The following HERC6 variants were observed in gnomAD, a reference collection of about 807,000 sequenced individuals.
The protein encoded by HERC6 is HECT and RLD domain containing E3 ubiquitin protein ligase family member 6.
Under a neutral mutation model 114.5 loss-of-function variants are expected in HERC6, and 101 were observed. That is an observed-to-expected ratio of 0.88 (90% CI 0.75 to 1.04). The LOEUF (loss-of-function observed/expected upper bound fraction) is 1.04, where lower values mean the gene tolerates loss of function less well. Among genes scored for constraint, HERC6 ranks in the 50% least tolerant of loss-of-function variants. The pLI is 0.00. For missense variants in HERC6, 1,133 were observed against 1,230.9 expected, an observed-to-expected ratio of 0.92 and a Z score of 1.19; for synonymous variants, 408 against 436.2, an observed-to-expected ratio of 0.94 and a Z score of 0.81.
At chr4:88,403,153 T>G (rs559466280) in intron 8 of HERC6, among the ~76,000 whole-genome samples, 2 of 152,194 alleles carry the variant, frequency 1.3e-5, no homozygotes, top group Admixed American at 6.5e-5. Flanking sequence ...TCAAGTATTA[T>G]ATAGAGCAAT....
intron 12 of HERC6, among the ~76,000 whole-genome samples, chr4:88,416,928 T>A (rs1736534021): frequency 6.6e-6 from 1 of 152,206 alleles, no homozygotes; most frequent in Admixed American, 6.6e-5. Flanking sequence ...TCCAAATCCA[T>A]GTTGCAATCC....
intron 12 of HERC6, among the ~76,000 whole-genome samples, chr4:88,415,850 G>A (rs909370824): frequency 6.6e-6 from 1 of 152,198 alleles, no homozygotes; most frequent in African/African-American, 2.4e-5. Context: ...AACCAAATGA[G>A]GAGATGAGAG....
At chr4:88,383,198 G>A (rs377670919) in intron 1 of HERC6, 23 bp from the exon 2 acceptor site, 60 of 1,604,776 alleles carry the variant, frequency 3.7e-5, no homozygotes, top group South Asian at 3.1e-4. Context: ...TGGTTGGGGG[G>A]TGTTTTGTTT....
At chr4:88,394,802 C>T (rs977697480) in intron 5 of HERC6, among the ~76,000 whole-genome samples, 4 of 152,226 alleles carry the variant, frequency 2.6e-5, no homozygotes, top group Admixed American at 1.3e-4. Flanking sequence ...ACCTCAGCCT[C>T]CCAAAGTGTT....
At chr4:88,421,457 T>TG (rs1489684610) in intron 13 of HERC6, among the ~76,000 whole-genome samples, 1 of 151,722 alleles carries the variant, frequency 6.6e-6, no homozygotes, top group East Asian at 1.9e-4. Context: ...TTTTCTTTTT[T>TG]TTTTTTTTGA....
chr4:88,413,302 T>A, intron 12 of HERC6, 36 bp downstream of exon 12: 1 of 1,495,272 alleles, frequency 6.7e-7, no homozygotes. Flanking sequence ...ACTCTCAATA[T>A]AGAGTCACTC....
intron 1 of HERC6, among the ~76,000 whole-genome samples, chr4:88,381,314 G>A (rs1734305060): frequency 6.6e-6 from 1 of 152,032 alleles, no homozygotes; most frequent in Non-Finnish European, 1.5e-5. Flanking sequence ...TTACATATAG[G>A]GGAATTTACA....
At chr4:88,441,589 A>G (rs556478368) in intron 22 of HERC6, among the ~76,000 whole-genome samples, 2 of 152,296 alleles carry the variant, frequency 1.3e-5, no homozygotes, top group African/African-American at 4.8e-5. Context: ...GGCAGACTTA[A>G]TGACTTCTCT....
At chr4:88,426,473 T>A (rs547632289) in intron 15 of HERC6, among the ~76,000 whole-genome samples, 2 of 134,270 alleles carry the variant, frequency 1.5e-5, no homozygotes, top group South Asian at 4.9e-4. Context: ...CGGCTTATTA[T>A]TATTATTATC....
intron 3 of HERC6, among the ~76,000 whole-genome samples, chr4:88,388,748 G>A (rs182379224): frequency 3.3e-5 from 5 of 152,196 alleles, no homozygotes; most frequent in Admixed American, 6.5e-5. Flanking sequence ...AATAGATGGT[G>A]AATGTTTCTT....
At chr4:88,422,044 G>T (rs551532610) in intron 13 of HERC6, among the ~76,000 whole-genome samples, 1 of 152,260 alleles carries the variant, frequency 6.6e-6, no homozygotes, top group African/African-American at 2.4e-5. Context: ...ATTTTCCCAT[G>T]TGTTGTTTTT....
chr4:88,428,558 A>G, intron 15 of HERC6, 22 bp from the exon 16 acceptor site: 1 of 1,555,834 alleles, frequency 6.4e-7, no homozygotes, highest in Non-Finnish European at 8.6e-7. Flanking sequence ...GGAGAAGCCA[A>G]CTAAAAAATT....
chr4:88,386,557 A>C (rs904533188), intron 3 of HERC6, among the ~76,000 whole-genome samples: 5 of 152,134 alleles, frequency 3.3e-5, no homozygotes, highest in Non-Finnish European at 4.4e-5. Context: ...AAATAAGTGA[A>C]ACTAAAAGTA....
intron 1 of HERC6, among the ~76,000 whole-genome samples, chr4:88,380,454 T>C (rs1357446392): frequency 2.3e-5 from 3 of 129,766 alleles, no homozygotes; most frequent in East Asian, 2.1e-4. Context: ...CGCGGTGGCT[T>C]ACGCCTGTGA....
chr4:88,423,137 ATCTTGCTCC>A (rs1737242899), intron 13 of HERC6, among the ~76,000 whole-genome samples: 1 of 146,846 alleles, frequency 6.8e-6, no homozygotes, highest in Non-Finnish European at 1.5e-5. Flanking sequence ...TCATTTGTTG[ATCTTGCTCC>A]TGTATATTTG....
chr4:88,442,261 A>AT lies in HERC6; in HGVS notation c.2871dup (p.Ala958CysfsTer15). On this transcript the variant is annotated frameshift_variant, in exon 23 of 23. Coordinates refer to ENST00000264346, the MANE Select transcript of HERC6 (RefSeq NM_017912.4). LOFTEE classifies it low-confidence loss of function (END_TRUNC). ...TTCCTTACAGGACGTGATAGGCTGC[A>AT]TGCAAGAGGCATACAGAAAATGGAA... is the stretch of plus-strand genomic sequence containing the variant. The AT allele has an allele frequency of 6.2e-7, 1 of 1,612,716 alleles. No homozygotes were observed. The highest frequency in any genetic ancestry group is 8.5e-7 in the Non-Finnish European group (1 of 1,179,302).
At position 88,401,934 on chromosome 4, in the gene HERC6, T is replaced by G. The variant is rs185870601; in HGVS notation, c.1093-2942T>G. Among the ~76,000 whole-genome samples the G allele has an allele frequency of 3.1e-3, 476 of 152,348 alleles. 4 individuals are homozygous for G. The highest frequency in any genetic ancestry group is 6.8e-3 in the Middle Eastern group (2 of 294). On this transcript the variant is annotated intron_variant, in intron 8 of 22. Coordinates refer to ENST00000264346, the MANE Select transcript of HERC6 (RefSeq NM_017912.4). The stretch of plus-strand genomic sequence containing the variant: ...ATGTTAGGCTGCTTCAGTTGGATTT[T>G]GGAGTAATTCAGAGTCAAGTTTAAT...
intron 11 of HERC6, among the ~76,000 whole-genome samples, chr4:88,410,087 A>C (rs909866095): frequency 6.6e-6 from 1 of 152,174 alleles, no homozygotes; most frequent in African/African-American, 2.4e-5. Flanking sequence ...GTCTCAGTTA[A>C]TTTAGAAAGT....
At chr4:88,396,213 C>T in intron 6 of HERC6, 71 bp downstream of exon 6, 1 of 1,273,690 alleles carries the variant, frequency 7.9e-7, no homozygotes, top group South Asian at 2.2e-5. Context: ...TTAGAAATGA[C>T]TCATATGGAA....
Sources: gnomAD v4.1 joint callset for allele counts (sites outside exome capture counted in the v4.1 genomes callset) on GRCh38, gnomAD v4.1.1 for gene constraint, MANE v1.5 for transcripts, NCBI Gene and HGNC (gene_info 2026-07-23, HGNC 2026-07-21) for gene names.